Variants in FBXO6 observed in about 807,000 individuals in gnomAD.
FBXO6 encodes F-box protein 6, also known as F-box only protein 6.
Under a neutral mutation model 25.0 loss-of-function variants are expected in FBXO6, and 13 were observed. The observed-to-expected ratio is 0.52, with a 90% confidence interval of 0.34 to 0.83. FBXO6 has a LOEUF of 0.83. FBXO6 is among the 40% of genes least tolerant of loss of function. The pLI is 0.02. For synonymous variants in FBXO6, 138 were observed against 155.3 expected (o/e 0.89, Z 0.83); for missense variants, 370 against 380.2 (o/e 0.97, Z 0.22).
At chr1:11,665,295 G>C (rs1269231837) in intron 1 of FBXO6, among the ~76,000 whole-genome samples, 1 of 129,630 alleles carries the variant, frequency 7.7e-6, no homozygotes, top group Non-Finnish European at 1.5e-5. Context: ...CGCGATCTCA[G>C]CTCACTGCAA....
chr1:11,668,938 G>A lies in FBXO6; in HGVS notation c.280G>A (p.Ala94Thr), dbSNP rs747247942. 1.9e-6 allele frequency: 3 copies of A among 1,613,170 alleles called. No homozygotes were observed. Among genetic ancestry groups the A allele is most frequent in the South Asian group, 2.2e-5 (2 of 91,080 alleles). ...LHRNLLRNPC[A>T]EEDMFAWQID... ...TAGGAACCTCCTGCGCAACCCGTGT[G>A]CTGAAGGTGGCATGGGGGCAGGGTG... The change falls in exon 2 of 6, where the codon GCT becomes ACT. Residue 94 changes from alanine to threonine, a missense_variant. Physicochemically the swap from Ala to Thr is moderately conservative, Grantham distance 58. Transcript: ENST00000376753.
chr1:11,672,583 C>T (rs1640650057), intron 4 of FBXO6, among the ~76,000 whole-genome samples: 1 of 152,226 alleles, frequency 6.6e-6, no homozygotes, highest in South Asian at 2.1e-4. Flanking sequence ...AGCCACTGTG[C>T]CCAGCCACTG....
chr1:11,670,268 G>A (rs368963127), intron 2 of FBXO6, among the ~76,000 whole-genome samples: 2 of 150,150 alleles, frequency 1.3e-5, no homozygotes, highest in Non-Finnish European at 3.0e-5. Flanking sequence ...GTAGAGAAGC[G>A]CCATTGTCTT....
At chr1:11,666,003 A>T (rs200035973) in intron 1 of FBXO6, among the ~76,000 whole-genome samples, 307 of 120,924 alleles carry the variant, frequency 2.5e-3, no homozygotes, top group Middle Eastern at 8.1e-3. Context: ...TTTTTTTGTT[A>T]TTTTTTTTTT....
intron 2 of FBXO6, among the ~76,000 whole-genome samples, chr1:11,669,935 G>A (rs960501645): frequency 9.3e-5 from 13 of 140,338 alleles, no homozygotes; most frequent in Middle Eastern, 3.5e-3. Flanking sequence ...CCACACCGCC[G>A]GGGGCGGTGG....
intron 4 of FBXO6, among the ~76,000 whole-genome samples, chr1:11,672,723 C>G (rs1379161380): frequency 6.6e-6 from 1 of 152,224 alleles, no homozygotes; most frequent in Non-Finnish European, 1.5e-5. Flanking sequence ...TTTTGGAGCT[C>G]CTACTCTGTG....
At chr1:11,670,867 TG>T (rs1640598381) in intron 2 of FBXO6, among the ~76,000 whole-genome samples, 1 of 152,158 alleles carries the variant, frequency 6.6e-6, no homozygotes, top group South Asian at 2.1e-4. Context: ...AGGAAGGGGT[TG>T]GTTTAGAATT....
chr1:11,673,223 C>A lies in FBXO6; in HGVS notation c.510-54C>A, dbSNP rs1253288235. 1 of 1,564,308 alleles carries A rather than the reference C, an allele frequency of 6.4e-7. No homozygotes were observed. The highest frequency in any genetic ancestry group is 8.7e-7 in the Non-Finnish European group (1 of 1,155,004). ...ATGTATAGGTCCCACCTGCCCCCAC[C>A]CCTGGGGCCAGCCCTCGGTGGCTTG... is the stretch of plus-strand genomic sequence containing the variant. On this transcript the variant is annotated intron_variant, in intron 4 of 5. Coordinates refer to ENST00000376753, the MANE Select transcript of FBXO6 (RefSeq NM_018438.6). This position sits in a 1 kb window ranked among gnomAD's most constrained non-coding sequence, Gnocchi z 4.3.
chr1:11,669,643 T>C (rs1640550228), intron 2 of FBXO6, among the ~76,000 whole-genome samples: 1 of 139,076 alleles, frequency 7.2e-6, no homozygotes, highest in African/African-American at 2.7e-5. Flanking sequence ...TATACATATA[T>C]ACACGTGTAT....
intron 2 of FBXO6, among the ~76,000 whole-genome samples, chr1:11,669,846 AG>A (rs1640565886): frequency 6.7e-6 from 1 of 148,374 alleles, no homozygotes; most frequent in South Asian, 2.2e-4. Flanking sequence ...CATGTTGGCC[AG>A]GCTGGTCTCG....
chr1:11,668,981 C>T (rs376099339), intron 2 of FBXO6, 37 bp downstream of exon 2: 29 of 1,604,022 alleles, frequency 1.8e-5, no homozygotes, highest in African/African-American at 4.0e-5. Flanking sequence ...CCACCAGGCT[C>T]GTTCCTTCTC....
chr1:11,666,729 C>T (rs1018990414), intron 1 of FBXO6, among the ~76,000 whole-genome samples: 1 of 152,118 alleles, frequency 6.6e-6, no homozygotes, highest in Admixed American at 6.5e-5. Context: ...GTTTTCTCTG[C>T]CATGTAAAGT....
intron 1 of FBXO6, among the ~76,000 whole-genome samples, chr1:11,665,521 C>T (rs1640402730): frequency 1.4e-5 from 2 of 140,298 alleles, no homozygotes; most frequent in African/African-American, 2.7e-5. Flanking sequence ...TCCCAAAGTG[C>T]TGGGATTACA....
In FBXO6 at chr1:11,673,546, TAGAGG is replaced by T; in HGVS notation, c.646-67_646-63del. On this transcript the variant is annotated intron_variant, in intron 5 of 5. Coordinates refer to ENST00000376753, the MANE Select transcript of FBXO6 (RefSeq NM_018438.6). The surrounding 1 kb of genome is among the most constrained non-coding windows in gnomAD (Gnocchi z 4.3). ...TGCCTTCCAGCCTGGGCAGCTCTCT[TAGAGG>T]ACCTGGCTCCTGCCTTCCCCTCCCC... The T allele has an allele frequency of 1.3e-6, 2 of 1,574,180 alleles. No individual in the cohort carries two copies. The highest frequency in any genetic ancestry group is 1.7e-6 in the Non-Finnish European group (2 of 1,153,650).
At chr1:11,669,718 A>G (rs1013779041) in intron 2 of FBXO6, among the ~76,000 whole-genome samples, 13 of 128,916 alleles carry the variant, frequency 1.0e-4, no homozygotes, top group Admixed American at 1.7e-4. Context: ...ATATATGTGT[A>G]TACATATATA....
Position 11,668,739 on chromosome 1 carries a change from C to G in FBXO6, c.81C>G (p.His27Gln), listed in dbSNP as rs778389623. ...PENILLELFT[H>Q]VPARQLLLNC... is the part of the protein sequence containing the mutation. ...ACATCCTGCTGGAGCTGTTCACGCA[C>G]GTGCCCGCCCGCCAGCTGCTGCTGA... The change falls in exon 2 of 6, where the codon CAC becomes CAG. Residue 27 changes from histidine (H) to glutamine (Q), a missense_variant. Physicochemically the swap from His to Gln is conservative, Grantham distance 24. Transcript: ENST00000376753. 6.2e-7 allele frequency: 1 copy of G among 1,614,046 alleles called. No homozygotes were observed. The highest frequency in any genetic ancestry group is 1.7e-5 in the Admixed American group (1 of 60,026).
rs1302789297 is a variant in FBXO6 at position 11,668,922 on chromosome 1, C to T, written c.264C>T (p.Leu88=). ...TCCTACGGAGCCTGCATAGGAACCTCCTGCGCAACCCGTGTGCTGAAGGTG... is the reference window on the plus strand; with the variant it reads ...TCCTACGGAGCCTGCATAGGAACCTTCTGCGCAACCCGTGTGCTGAAGGTG... The part of the protein sequence containing the change: ...FYFLRSLHRN[L]LRNPCAEEDM... The change falls in exon 2 of 6, where the codon CTC becomes CTT. Residue 88 remains leucine (L), a synonymous_variant. Coordinates refer to ENST00000376753, the MANE Select transcript of FBXO6 (RefSeq NM_018438.6). 1.9e-6 allele frequency: 3 copies of T among 1,613,946 alleles called. No individual in the cohort carries two copies. In the South Asian group the frequency reaches 3.3e-5, roughly 18 times the overall value.
chr1:11,669,673 TGTAC>T (rs1640555400), intron 2 of FBXO6, among the ~76,000 whole-genome samples: 1 of 144,104 alleles, frequency 6.9e-6, no homozygotes, highest in African/African-American at 2.8e-5. Flanking sequence ...CATGTATATA[TGTAC>T]ACATATATAC....
chr1:11,671,235 G>A (rs1167325436), intron 2 of FBXO6, 31 bp from the exon 3 acceptor site: 2 of 1,607,484 alleles, frequency 1.2e-6, no homozygotes, highest in Non-Finnish European at 1.7e-6. Flanking sequence ...ATTTACACAG[G>A]GGGTCTCACC....
Sources: allele counts gnomAD v4.1 joint callset (sites outside exome capture counted in the v4.1 genomes callset), GRCh38; gene constraint gnomAD v4.1.1; non-coding constraint Gnocchi (gnomAD v3.1); transcripts MANE v1.5; gene names NCBI Gene and HGNC (gene_info 2026-07-23, HGNC 2026-07-21).